Variants in KYAT3 observed in about 807,000 individuals in gnomAD.
The protein encoded by KYAT3 is kynurenine--oxoglutarate transaminase 3.
A neutral mutation model predicts 59.0 loss-of-function variants in KYAT3; 50 were observed. That is an observed-to-expected ratio of 0.85 (90% CI 0.68 to 1.07). The LOEUF (loss-of-function observed/expected upper bound fraction) is 1.07. Among genes scored for constraint, KYAT3 ranks in the 50% least tolerant of loss-of-function variants. The pLI, the probability that KYAT3 is intolerant of heterozygous loss-of-function variation, is 0.00. For synonymous variants in KYAT3, 148 were observed against 177.0 expected (o/e 0.84, Z 1.30); for missense variants, 497 against 533.3 (o/e 0.93, Z 0.67).
chr1:88,949,251 A>C lies in KYAT3; in HGVS notation c.981T>G (p.Ile327Met), dbSNP rs1046882691. ...CTGGGTCATCCATGCGCTTGATGTC[A>C]ATCCAGAAAGCTTGAGCCAAGGCTT... The part of the protein sequence containing the change: ...LQEALAQAFW[I>M]DIKRMDDPEC... The change falls in exon 11 of 14, where the codon ATT becomes ATG. Residue 327 changes from isoleucine to methionine, a missense_variant. By Grantham distance (10) the Ile-to-Met change is conservative. This residue lies in a region of KYAT3 where 469 missense variants were observed against 479.1 expected (regional missense o/e 0.98). Transcript: ENST00000260508. 6.4e-7 allele frequency: 1 copy of C among 1,568,662 alleles called. No individual in the cohort carries two copies. Among genetic ancestry groups the C allele is most frequent in the East Asian group, 2.3e-5 (1 of 42,882 alleles).
intron 2 of KYAT3, among the ~76,000 whole-genome samples, chr1:88,975,676 T>TATA (rs1676757120): frequency 3.3e-5 from 5 of 152,264 alleles, no homozygotes; most frequent in South Asian, 4.1e-4. Flanking sequence ...CAACACAGAG[T>TATA]CATGTGCTGC....
chr1:88,977,286 C>A (rs553207828), intron 2 of KYAT3, among the ~76,000 whole-genome samples: 9 of 152,342 alleles, frequency 5.9e-5, no homozygotes, highest in Non-Finnish European at 1.3e-4. Context: ...ATTGCAACCT[C>A]CACCTCCCGG....
intron 4 of KYAT3, 43 bp from the exon 5 acceptor site, chr1:88,965,021 GGGACCTACT>G: frequency 6.7e-7 from 1 of 1,502,814 alleles, no homozygotes; most frequent in Non-Finnish European, 9.0e-7. Flanking sequence ...ATTTAAATAT[GGGACCTACT>G]GTTTGAGGTA....
chr1:88,982,423 C>T lies in KYAT3; in HGVS notation c.99+5829G>A, dbSNP rs576454319. On this transcript the variant is annotated intron_variant, in intron 2 of 13. Transcript: ENST00000260508. Reference sequence around the variant, plus strand: ...AACACTAGTACTACAAGGCTTAACACATTTAACATTTGCTTGTTGAAAAGC... The same window carrying T: ...AACACTAGTACTACAAGGCTTAACATATTTAACATTTGCTTGTTGAAAAGC... 3.2e-6 allele frequency: 3 copies of T among 939,098 alleles called. No homozygotes were observed. The African/African-American group carries it at 5.0e-5, about 16-fold the overall frequency. The allele number at this position is 939,098 out of a possible 1,614,324, so 58.2% of individuals were successfully genotyped here.
chr1:88,925,981 T>C, the KYAT3 span, among the ~76,000 whole-genome samples: 4 of 152,062 alleles, frequency 2.6e-5, no homozygotes, highest in Non-Finnish European at 4.4e-5. Flanking sequence ...CGACAACCAG[T>C]AGCCTTCCTA....
chr1:88,949,354 T>C (rs1675584983), intron 10 of KYAT3, 77 bp from the exon 11 acceptor site: 5 of 1,047,338 alleles, frequency 4.8e-6, no homozygotes, highest in South Asian at 3.8e-5. Context: ...GTATAATAAA[T>C]AGAGATGATC....
chr1:88,986,022 A>T (rs1434503797), intron 2 of KYAT3, among the ~76,000 whole-genome samples: 1 of 152,038 alleles, frequency 6.6e-6, no homozygotes, highest in African/African-American at 2.4e-5. Flanking sequence ...CTCTACAAAA[A>T]ATACAAATAT....
Position 88,962,062 on chromosome 1 carries a change from T to A in KYAT3, c.537A>T (p.Arg179Ser), listed in dbSNP as rs770382396. The A allele has an allele frequency of 2.0e-5, 32 of 1,612,480 alleles. No individual in the cohort carries two copies. The highest frequency in any genetic ancestry group is 2.6e-5 in the Non-Finnish European group (31 of 1,178,556). Reference sequence around the variant, plus strand: ...TGAACCATACTGGCAAACTTACAGATCTCAGGGGAATAAAAACAGGTGTTG... The same window carrying A: ...TGAACCATACTGGCAAACTTACAGAACTCAGGGGAATAAAAACAGGTGTTG... ...AGATPVFIPLRSKPVYGKRWS... is the reference protein window; with the variant it reads ...AGATPVFIPLSSKPVYGKRWS... The change falls in exon 6 of 14, where the codon AGA becomes AGT. Residue 179 changes from arginine (R) to serine (S), a missense_variant. Around this residue, in one of 2 missense-constraint regions of KYAT3, gnomAD observed 469 missense variants for 479.1 expected, o/e 0.98. Transcript: ENST00000260508.
intron 8 of KYAT3, among the ~76,000 whole-genome samples, chr1:88,956,333 A>G (rs372059588): frequency 2.1e-4 from 32 of 152,326 alleles, no homozygotes; most frequent in African/African-American, 7.5e-4. Flanking sequence ...TATTTTAGGA[A>G]GTAGGCAAAT....
chr1:88,965,966 T>G (rs976759731), intron 4 of KYAT3, among the ~76,000 whole-genome samples: 1 of 152,224 alleles, frequency 6.6e-6, no homozygotes, highest in Non-Finnish European at 1.5e-5. Flanking sequence ...GAATGATAAG[T>G]GTTTGTGCTT....
Position 88,939,287 on chromosome 1 carries a change from T to G in KYAT3, c.1303-3042A>C, listed in dbSNP as rs896211096. Reference sequence around the variant, plus strand: ...TTATTTTGCTCTGAATTCAAACTGCTTTCTTTCAATTTCTATTTTCTTGGT... The same window carrying G: ...TTATTTTGCTCTGAATTCAAACTGCGTTCTTTCAATTTCTATTTTCTTGGT... On this transcript the variant is annotated intron_variant, in intron 13 of 13. Transcript: ENST00000260508. Among the ~76,000 whole-genome samples, 6 of 152,230 alleles carry G rather than the reference T, an allele frequency of 3.9e-5. 1 individual carries two copies. The South Asian group carries it at 1.2e-3, about 32-fold the overall frequency.
chr1:88,929,685 A>G, the KYAT3 span, among the ~76,000 whole-genome samples: 1 of 152,212 alleles, frequency 6.6e-6, no homozygotes, highest in Non-Finnish European at 1.5e-5. Context: ...TGTGGCTACA[A>G]AGTTTCCAAA....
In KYAT3 at chr1:88,953,116, G is replaced by A; in HGVS notation, c.901C>T (p.His301Tyr). 1 of 1,613,514 alleles carries A rather than the reference G, an allele frequency of 6.2e-7. No individual in the cohort carries two copies. Among genetic ancestry groups the A allele is most frequent in the Non-Finnish European group, 8.5e-7 (1 of 1,179,470 alleles). The change falls in exon 10 of 14, where the codon CAT (histidine) becomes TAT (tyrosine). Residue 301 changes from histidine (H) to tyrosine (Y), a missense_variant. His to Tyr is a moderately conservative substitution (Grantham distance 83). Transcript: ENST00000260508. ...WSIGPNHLIK[H>Y]LQTVQQNTIY... Reference sequence around the variant, plus strand: ...GTGTTTTGTTGAACTGTCTGTAAATGTTTTATCAAATGATTTGGACCAATG... The same window carrying A: ...GTGTTTTGTTGAACTGTCTGTAAATATTTTATCAAATGATTTGGACCAATG...
chr1:88,934,970 T>C (rs1179413226), downstream of KYAT3, among the ~76,000 whole-genome samples: 2 of 151,340 alleles, frequency 1.3e-5, no homozygotes, highest in African/African-American at 2.4e-5. Flanking sequence ...TTTGAAATTG[T>C]AGTAAGTTTA....
intron 13 of KYAT3, among the ~76,000 whole-genome samples, chr1:88,938,491 G>A (rs1402340510): frequency 6.6e-6 from 1 of 152,088 alleles, no homozygotes; most frequent in Non-Finnish European, 1.5e-5. Context: ...GGTATTAAGA[G>A]CACAGCACCC....
At chr1:88,959,272 T>C (rs995797442) in intron 8 of KYAT3, among the ~76,000 whole-genome samples, 1 of 148,370 alleles carries the variant, frequency 6.7e-6, no homozygotes, top group Admixed American at 6.7e-5. Flanking sequence ...CGAGACCCTG[T>C]CTCTTAAAAA....
At chr1:88,992,550 AGCGCC>A (rs931873279) in intron 1 of KYAT3, 30 bp downstream of exon 1, 4 of 152,600 alleles carry the variant, frequency 2.6e-5, no homozygotes, top group African/African-American at 4.8e-5. Context: ...TCCGCACGGA[AGCGCC>A]GCGCCGCGCC....
chr1:88,976,521 T>C (rs922416384), intron 2 of KYAT3, among the ~76,000 whole-genome samples: 5 of 152,248 alleles, frequency 3.3e-5, no homozygotes, highest in African/African-American at 1.2e-4. Flanking sequence ...TACATAGTAC[T>C]TGATATGATA....
chr1:88,931,315 C>G (rs189753191), downstream of KYAT3, among the ~76,000 whole-genome samples: 22 of 152,332 alleles, frequency 1.4e-4, no homozygotes, highest in African/African-American at 5.1e-4. Flanking sequence ...AAGTTTGTCT[C>G]TTCCAGAATC....
Sources: gnomAD v4.1 joint callset for allele counts (sites outside exome capture counted in the v4.1 genomes callset) on GRCh38, gnomAD v4.1.1 for gene constraint, gnomAD v4.1.1 regional missense constraint, MANE v1.5 for transcripts, NCBI Gene and HGNC (gene_info 2026-07-23, HGNC 2026-07-21) for gene names.